CA10: variants seen among roughly 807,000 people sequenced by gnomAD.
CA10 encodes carbonic anhydrase-related protein 10.
In CA10, 14 loss-of-function variants were observed where a neutral mutation model predicts 44.2. The ratio of observed to expected loss-of-function variants is 0.32; its 90% CI spans 0.21 to 0.50. CA10 has a LOEUF of 0.50. CA10 is among the 20% of genes least tolerant of loss of function. The probability of loss-of-function intolerance (pLI) is 0.99; values close to 1 mark genes in which losing one functional copy is unlikely to be tolerated. For synonymous variants in CA10, 159 were observed against 141.6 expected (o/e 1.12, Z -0.87); for missense variants, 350 against 409.7 (o/e 0.85, Z 1.26).
At chr17:51,946,873 T>G (rs752319788) in intron 2 of CA10, among the ~76,000 whole-genome samples, 6 of 152,128 alleles carry the variant, frequency 3.9e-5, no homozygotes, top group Non-Finnish European at 5.9e-5. Context: ...AGGAGTGAAT[T>G]TTTAAGGTAT....
intron 3 of CA10, among the ~76,000 whole-genome samples, chr17:51,917,340 C>T (rs1314266957): frequency 3.3e-5 from 5 of 152,174 alleles, no homozygotes; most frequent in Middle Eastern, 3.2e-3. Context: ...AAGAGATGTG[C>T]CTTTCAGAAG....
intron 1 of CA10, among the ~76,000 whole-genome samples, chr17:52,115,397 C>T (rs1225253850): frequency 1.3e-5 from 2 of 152,108 alleles, no homozygotes; most frequent in Non-Finnish European, 2.9e-5. Context: ...AAATACGGAC[C>T]TGAATGTTTC....
chr17:51,696,850 A>G (rs978790103), intron 4 of CA10, among the ~76,000 whole-genome samples: 1 of 152,216 alleles, frequency 6.6e-6, no homozygotes, highest in Admixed American at 6.5e-5. Flanking sequence ...CATAGGCAGC[A>G]AAAAACAAAC....
At chr17:51,958,305 A>C (rs1983746648) in intron 2 of CA10, among the ~76,000 whole-genome samples, 1 of 151,434 alleles carries the variant, frequency 6.6e-6, no homozygotes, top group African/African-American at 2.4e-5. Flanking sequence ...TGGCTCTACC[A>C]AGAGATCTTA....
chr17:51,733,151 G>A (rs1916780613), intron 4 of CA10, among the ~76,000 whole-genome samples: 1 of 152,226 alleles, frequency 6.6e-6, no homozygotes, highest in African/African-American at 2.4e-5. Context: ...GTTCTTGGGT[G>A]CAGCCCTAAG....
intron 6 of CA10, among the ~76,000 whole-genome samples, chr17:51,641,131 TTCTC>T (rs999924010): frequency 9.7e-5 from 9 of 92,526 alleles, no homozygotes; most frequent in Non-Finnish European, 1.5e-4. Flanking sequence ...TATCCCCTCT[TTCTC>T]TCTCTCTCTC....
intron 2 of CA10, among the ~76,000 whole-genome samples, chr17:51,937,580 T>C (rs113618742): frequency 6.6e-6 from 1 of 152,120 alleles, no homozygotes; most frequent in African/African-American, 2.4e-5. Context: ...GAATTGCATA[T>C]ATCCTATTTA....
At chr17:51,797,584 A>C (rs1906762010) in intron 3 of CA10, among the ~76,000 whole-genome samples, 1 of 152,150 alleles carries the variant, frequency 6.6e-6, no homozygotes, top group Admixed American at 6.5e-5. Flanking sequence ...GGCCAGGCGC[A>C]GTGGCTCACA....
intron 3 of CA10, among the ~76,000 whole-genome samples, chr17:51,799,589 C>T (rs16950534): frequency 0.1 from 15,854 of 152,090 alleles, 1,200 homozygotes; most frequent in African/African-American, 0.22. Context: ...AGAGTGCTAC[C>T]AAATTATGTG....
At chr17:52,157,228 A>T (rs1989822005) in intron 1 of CA10, among the ~76,000 whole-genome samples, 1 of 152,124 alleles carries the variant, frequency 6.6e-6, no homozygotes, top group Non-Finnish European at 1.5e-5. Flanking sequence ...GTGTTTGGGT[A>T]AGGCATGGAG....
intron 4 of CA10, among the ~76,000 whole-genome samples, chr17:51,665,020 T>C (rs1217640996): frequency 1.3e-5 from 2 of 152,180 alleles, no homozygotes; most frequent in Non-Finnish European, 2.9e-5. Flanking sequence ...AGCCATCTTA[T>C]TCACTCAGGG....
intron 1 of CA10, among the ~76,000 whole-genome samples, chr17:52,140,344 G>A (rs111917841): frequency 0.012 from 1,793 of 152,238 alleles, 25 homozygotes; most frequent in South Asian, 0.063. Context: ...GAGCTTTGCC[G>A]GCCTTAGGCT....
intron 3 of CA10, among the ~76,000 whole-genome samples, chr17:51,843,221 T>C (rs1490443337): frequency 6.6e-6 from 1 of 152,214 alleles, no homozygotes; most frequent in Non-Finnish European, 1.5e-5. Flanking sequence ...AAAGTCGGAC[T>C]GGAGTGGGTT....
chr17:51,868,569 G>A (rs1979655964), intron 3 of CA10, among the ~76,000 whole-genome samples: 1 of 152,076 alleles, frequency 6.6e-6, no homozygotes, highest in African/African-American at 2.4e-5. Context: ...CTGATCTTCT[G>A]GCCTCCCTTT....
At chr17:51,849,419 G>A (rs1978691311) in intron 3 of CA10, among the ~76,000 whole-genome samples, 1 of 151,534 alleles carries the variant, frequency 6.6e-6, no homozygotes, top group Admixed American at 6.6e-5. Flanking sequence ...AGATGGAGAT[G>A]ACAAGGTTAC....
At chr17:51,895,470 T>G (rs2319455) in intron 3 of CA10, among the ~76,000 whole-genome samples, 3 of 151,390 alleles carry the variant, frequency 2.0e-5, no homozygotes, top group Non-Finnish European at 4.4e-5. Context: ...AACAACAAAA[T>G]CTTCAGGTTG....
intron 3 of CA10, among the ~76,000 whole-genome samples, chr17:51,856,368 AAC>A (rs1979044808): frequency 3.8e-5 from 4 of 103,904 alleles, no homozygotes; most frequent in African/African-American, 3.6e-4. Context: ...GTAAAACAAC[AAC>A]AACAACAACA....
chr17:52,128,974 C>G (rs1416049812), intron 1 of CA10, among the ~76,000 whole-genome samples: 1 of 152,152 alleles, frequency 6.6e-6, no homozygotes, highest in Middle Eastern at 3.2e-3. Context: ...CAGTTAGACC[C>G]AGCATCTTGA....
intron 3 of CA10, among the ~76,000 whole-genome samples, chr17:51,905,875 G>A (rs1981528227): frequency 6.6e-6 from 1 of 151,824 alleles, no homozygotes; most frequent in Non-Finnish European, 1.5e-5. Context: ...TATAAAGCAG[G>A]GCTACTTTAT....
Sources: gnomAD v4.1 joint callset for allele counts (sites outside exome capture counted in the v4.1 genomes callset) on GRCh38, gnomAD v4.1.1 for gene constraint, MANE v1.5 for transcripts, NCBI Gene and HGNC (gene_info 2026-07-23, HGNC 2026-07-21) for gene names.